Variants in FMN1 observed in about 807,000 individuals in gnomAD.
FMN1 encodes formin 1, also known as formin-1.
In FMN1, 110 loss-of-function variants were observed where a neutral mutation model predicts 132.4. The observed-to-expected ratio is 0.83, with a 90% CI of 0.71 to 0.97. The LOEUF (loss-of-function observed/expected upper bound fraction) is 0.97. Among genes scored for constraint, FMN1 ranks in the 50% least tolerant of loss-of-function variants. The pLI, the probability that FMN1 is intolerant of heterozygous loss-of-function variation, is 0.00. For missense variants in FMN1, 1,792 were observed against 1,705.3 expected (o/e 1.05, Z -0.90); for synonymous variants, 722 against 651.7 (o/e 1.11, Z -1.64).
rs527946104 is a variant in FMN1, at chr15:33,033,246, A to G, written c.2162-25171T>C. 5.1e-3 allele frequency among the ~76,000 whole-genome samples: 776 copies of G among 152,124 alleles called. 3 individuals are homozygous for G. Among genetic ancestry groups the G allele is most frequent in the Non-Finnish European group, 7.4e-3 (503 of 67,988 alleles). On this transcript the variant is annotated intron_variant, in intron 6 of 20. Transcript: ENST00000616417. ...GGGGTTTCACCGTGTTAGCCAGGAT[A>G]GTCTTGATCTCCTGACCTTGTGATC...
intron 3 of FMN1, among the ~76,000 whole-genome samples, chr15:33,160,612 T>C (rs1475948949): frequency 6.6e-6 from 1 of 152,228 alleles, no homozygotes; most frequent in East Asian, 1.9e-4. Context: ...TACACTGGCA[T>C]TGCAATTCCA....
chr15:32,961,657 G>T (rs549595381), intron 9 of FMN1, among the ~76,000 whole-genome samples: 1 of 152,290 alleles, frequency 6.6e-6, no homozygotes, highest in African/African-American at 2.4e-5. Context: ...GCTGTCATAT[G>T]TTGAGCACTG....
intron 5 of FMN1, chr15:33,067,062 C>G: frequency 1.2e-6 from 2 of 1,613,998 alleles, no homozygotes; most frequent in East Asian, 2.2e-5. Context: ...CTGAAAAAAG[C>G]TGGAAGTTGG....
intron 3 of FMN1, among the ~76,000 whole-genome samples, chr15:33,158,191 A>G (rs923694029): frequency 6.6e-6 from 1 of 152,068 alleles, no homozygotes; most frequent in Non-Finnish European, 1.5e-5. Context: ...AAATAAAAGA[A>G]GAGAAGGACT....
At chr15:32,823,138 A>G (rs907502837) in intron 17 of FMN1, among the ~76,000 whole-genome samples, 7 of 145,782 alleles carry the variant, frequency 4.8e-5, no homozygotes, top group Non-Finnish European at 8.9e-5. Flanking sequence ...TCTCAAAGAC[A>G]GAGAGTTTCT....
chr15:32,990,926 A>G (rs2033395590), intron 7 of FMN1, among the ~76,000 whole-genome samples: 1 of 152,158 alleles, frequency 6.6e-6, no homozygotes, highest in South Asian at 2.1e-4. Context: ...CCCATGATTT[A>G]ATTACCTCCC....
At chr15:32,949,952 TATATATATATATAC>T (rs1596329125) in intron 9 of FMN1, among the ~76,000 whole-genome samples, 1 of 50,498 alleles carries the variant, frequency 2.0e-5, no homozygotes, top group Non-Finnish European at 3.5e-5. Context: ...TATATATATA[TATATATATATATAC>T]ACACATATAT....
At chr15:32,964,051 AT>A in intron 9 of FMN1, 55 bp downstream of exon 9, 1 of 1,342,222 alleles carries the variant, frequency 7.5e-7, no homozygotes, top group Non-Finnish European at 1.0e-6. Flanking sequence ...ACACACACAT[AT>A]ATACCATTTC....
chr15:32,945,038 A>AAC (rs1406844459), intron 9 of FMN1, among the ~76,000 whole-genome samples: 1 of 152,148 alleles, frequency 6.6e-6, no homozygotes, highest in Non-Finnish European at 1.5e-5. Context: ...GTTTCAAGTC[A>AAC]ACAGTTGGTG....
chr15:33,039,453 G>C (rs1228602750), intron 6 of FMN1, among the ~76,000 whole-genome samples: 1 of 152,100 alleles, frequency 6.6e-6, no homozygotes, highest in Non-Finnish European at 1.5e-5. Context: ...AGGTTATTGA[G>C]GAAACTTATT....
chr15:33,124,906 C>T (rs1962907010), intron 4 of FMN1, among the ~76,000 whole-genome samples: 1 of 151,256 alleles, frequency 6.6e-6, no homozygotes, highest in Non-Finnish European at 1.5e-5. Context: ...GGCACAAGGG[C>T]AAATGTTAAA....
At chr15:32,792,715 C>T (rs1286708138) in intron 19 of FMN1, among the ~76,000 whole-genome samples, 1 of 152,116 alleles carries the variant, frequency 6.6e-6, no homozygotes, top group Non-Finnish European at 1.5e-5. Context: ...GTGATGTGTG[C>T]ACCTTCCAGC....
At chr15:33,190,512 A>T (rs1223532671) in intron 2 of FMN1, among the ~76,000 whole-genome samples, 1 of 152,118 alleles carries the variant, frequency 6.6e-6, no homozygotes, top group Non-Finnish European at 1.5e-5. Flanking sequence ...GGAGGACATC[A>T]TTGGAGAAAG....
intron 16 of FMN1, among the ~76,000 whole-genome samples, chr15:32,865,519 A>G (rs1336889591): frequency 1.3e-5 from 2 of 152,224 alleles, no homozygotes; most frequent in Non-Finnish European, 1.5e-5. Context: ...TCAATCTTCA[A>G]AAAGTAGCAA....
chr15:32,888,748 C>A (rs2059954364), intron 15 of FMN1, among the ~76,000 whole-genome samples: 1 of 152,094 alleles, frequency 6.6e-6, no homozygotes, highest in South Asian at 2.1e-4. Context: ...ATGGAAGATA[C>A]AATCACCCTC....
intron 19 of FMN1, among the ~76,000 whole-genome samples, chr15:32,785,235 T>G (rs1595905050): frequency 4.7e-5 from 5 of 107,398 alleles, no homozygotes; most frequent in Non-Finnish European, 7.9e-5. Flanking sequence ...TTTTTTTTTT[T>G]TTGTAGAGAT....
rs77582477 is a variant in FMN1, at chr15:32,893,251, G to A, written c.3715-4959C>T. On this transcript the variant is annotated intron_variant, in intron 15 of 20. Transcript: ENST00000616417. ...GTACTCTCATCTGAGTGCCAAGATG[G>A]AACAACATCTAAGATCCTCACTACA... Among the ~76,000 whole-genome samples the A allele has an allele frequency of 2.6e-3, 397 of 152,312 alleles. 10 individuals carry two copies. In the East Asian group the frequency reaches 0.07, roughly 27 times the overall value.
At chr15:32,871,349 C>T (rs919722770) in intron 16 of FMN1, among the ~76,000 whole-genome samples, 9 of 152,066 alleles carry the variant, frequency 5.9e-5, no homozygotes, top group African/African-American at 2.2e-4. Flanking sequence ...TGGGGGTTGC[C>T]TTACTTATAT....
chr15:33,152,773 A>T, intron 4 of FMN1, among the ~76,000 whole-genome samples: 1 of 102,988 alleles, frequency 9.7e-6, no homozygotes, highest in Non-Finnish European at 1.9e-5. Flanking sequence ...CCACAGAAGT[A>T]ACTTTAGAGG....
Sources: allele counts gnomAD v4.1 joint callset (sites outside exome capture counted in the v4.1 genomes callset), GRCh38; gene constraint gnomAD v4.1.1; transcripts MANE v1.5; gene names NCBI Gene and HGNC (gene_info 2026-07-23, HGNC 2026-07-21).